Variants in AGBL1 observed in about 807,000 individuals in gnomAD.
The protein encoded by AGBL1 is AGBL carboxypeptidase 1.
A neutral mutation model predicts 118.9 loss-of-function variants in AGBL1; 130 were observed. That is an observed-to-expected ratio of 1.09 (90% confidence interval 0.95 to 1.26). AGBL1 has a LOEUF of 1.26. Ranked by LOEUF, AGBL1 falls within the 50% of genes most tolerant of loss-of-function variation. The probability of loss-of-function intolerance (pLI) is 0.00; values close to 1 mark genes in which losing one functional copy is unlikely to be tolerated. For synonymous variants in AGBL1, 555 were observed against 478.9 expected (o/e 1.16, Z -2.08); for missense variants, 1,584 against 1,298.1 (o/e 1.22, Z -3.38).
chr15:86,637,360 T>C (rs1026080070), intron 21 of AGBL1, among the ~76,000 whole-genome samples: 8 of 151,994 alleles, frequency 5.3e-5, no homozygotes, highest in African/African-American at 1.9e-4. Flanking sequence ...ACGTGGATTG[T>C]TTCAGGCATA....
intron 21 of AGBL1, among the ~76,000 whole-genome samples, chr15:86,573,454 T>C (rs543126519): frequency 5.3e-4 from 81 of 152,292 alleles, no homozygotes; most frequent in Non-Finnish European, 1.0e-3. Flanking sequence ...CTTCCGGAAA[T>C]GTTGGTTGTG....
chr15:86,116,890 A>AT (rs1157753040), intron 1 of AGBL1, among the ~76,000 whole-genome samples: 1 of 151,868 alleles, frequency 6.6e-6, no homozygotes, highest in African/African-American at 2.4e-5. Context: ...GACAACCCTA[A>AT]TACAGTTGGT....
At chr15:86,147,125 A>G (rs765264029) in intron 3 of AGBL1, among the ~76,000 whole-genome samples, 1 of 152,200 alleles carries the variant, frequency 6.6e-6, no homozygotes, top group African/African-American at 2.4e-5. Context: ...TAGAAATATT[A>G]GAGGGGAAAT....
intron 22 of AGBL1, among the ~76,000 whole-genome samples, chr15:86,832,521 A>G (rs954383481): frequency 6.6e-6 from 1 of 152,158 alleles, no homozygotes; most frequent in Non-Finnish European, 1.5e-5. Flanking sequence ...ATCTCTCTCA[A>G]GTTCAAAGTT....
chr15:86,284,704 A>G (rs988923140), intron 16 of AGBL1, among the ~76,000 whole-genome samples: 1 of 152,152 alleles, frequency 6.6e-6, no homozygotes, highest in Non-Finnish European at 1.5e-5. Flanking sequence ...ACAATAGAAA[A>G]TGAATGGTTT....
chr15:86,254,629 C>T (rs1253008832), intron 7 of AGBL1, among the ~76,000 whole-genome samples: 1 of 152,190 alleles, frequency 6.6e-6, no homozygotes, highest in African/African-American at 2.4e-5. Context: ...CCTAAAATCT[C>T]ACCTTTCCCT....
intron 6 of AGBL1, among the ~76,000 whole-genome samples, chr15:86,238,988 A>G (rs1461252085): frequency 1.3e-5 from 2 of 151,232 alleles, no homozygotes; most frequent in Non-Finnish European, 2.9e-5. Flanking sequence ...TTCATTAGAC[A>G]TTGTATGTGC....
chr15:86,687,285 A>AG (rs2086076843), intron 22 of AGBL1, among the ~76,000 whole-genome samples: 1 of 152,094 alleles, frequency 6.6e-6, no homozygotes. Flanking sequence ...CTGTCTGCAA[A>AG]GTCGGCTGGA....
At chr15:86,209,944 G>T (rs987112059) in intron 5 of AGBL1, among the ~76,000 whole-genome samples, 4 of 152,138 alleles carry the variant, frequency 2.6e-5, no homozygotes, top group Non-Finnish European at 1.5e-5. Context: ...TTTTTGCAGT[G>T]GCTGGAACTG....
chr15:86,285,473 C>T (rs1429611672), intron 16 of AGBL1, among the ~76,000 whole-genome samples: 2 of 152,152 alleles, frequency 1.3e-5, no homozygotes, highest in Non-Finnish European at 2.9e-5. Flanking sequence ...GAATAAGTCT[C>T]ATGAGATCTG....
intron 22 of AGBL1, among the ~76,000 whole-genome samples, chr15:86,899,472 G>A (rs1178288393): frequency 6.6e-6 from 1 of 151,994 alleles, no homozygotes; most frequent in East Asian, 1.9e-4. Context: ...TTTGTACAAC[G>A]AACCCCCATG....
At chr15:86,618,717 C>G (rs1408703385) in intron 21 of AGBL1, among the ~76,000 whole-genome samples, 1 of 152,186 alleles carries the variant, frequency 6.6e-6, no homozygotes, top group African/African-American at 2.4e-5. Flanking sequence ...GACTCCCATC[C>G]TTACTGCACC....
chr15:86,654,983 AG>A (rs1567105989), intron 21 of AGBL1, among the ~76,000 whole-genome samples: 1 of 152,166 alleles, frequency 6.6e-6, no homozygotes. Flanking sequence ...GCAGCCTTGC[AG>A]AAAAGCAGTT....
At chr15:87,001,933 G>C (rs573511903) in intron 24 of AGBL1, among the ~76,000 whole-genome samples, 2 of 152,220 alleles carry the variant, frequency 1.3e-5, no homozygotes, top group African/African-American at 4.8e-5. Context: ...TAGGTTGCCT[G>C]TTCATGCTGA....
intron 18 of AGBL1, among the ~76,000 whole-genome samples, chr15:86,468,987 G>A (rs2082442713): frequency 1.3e-5 from 2 of 152,108 alleles, no homozygotes; most frequent in Admixed American, 1.3e-4. Flanking sequence ...GGTGCACAAT[G>A]TGATGTTTAG....
rs560362018 is a variant in AGBL1 at position 86,785,907 on chromosome 15, A to G, written c.3158+111471A>G. Among the ~76,000 whole-genome samples, 1,054 of 152,276 alleles carry G rather than the reference A, an allele frequency of 6.9e-3. 7 individuals carry two copies. Among genetic ancestry groups the G allele is most frequent in the South Asian group, 0.028 (136 of 4,828 alleles). On this transcript the variant is annotated intron_variant, in intron 22 of 22. Coordinates refer to ENST00000614907, the MANE Select transcript of AGBL1 (RefSeq NM_001386094.1). ...AAACTCAAACAGGAGAGCTGGGACT[A>G]CATCAGAGGCAGAAACTATGACTGG...
intron 21 of AGBL1, among the ~76,000 whole-genome samples, chr15:86,671,393 G>A (rs569707805): frequency 9.9e-5 from 15 of 152,148 alleles, no homozygotes; most frequent in Non-Finnish European, 1.9e-4. Flanking sequence ...ATAAAACCTC[G>A]TTTAAGTCAC....
intron 22 of AGBL1, among the ~76,000 whole-genome samples, chr15:86,856,691 A>G (rs957109287): frequency 1.3e-5 from 2 of 152,244 alleles, no homozygotes; most frequent in African/African-American, 2.4e-5. Flanking sequence ...CACAGATGAG[A>G]AAACTGATGT....
At chr15:86,363,059 G>A (rs1203006384) in intron 17 of AGBL1, among the ~76,000 whole-genome samples, 1 of 152,118 alleles carries the variant, frequency 6.6e-6, no homozygotes, top group Non-Finnish European at 1.5e-5. Context: ...AGGGGAATGG[G>A]GCTTCTTTGG....
Sources: allele counts gnomAD v4.1 joint callset (sites outside exome capture counted in the v4.1 genomes callset), GRCh38; gene constraint gnomAD v4.1.1; transcripts MANE v1.5; gene names NCBI Gene and HGNC (gene_info 2026-07-23, HGNC 2026-07-21).